Variants in ABLIM1 observed in about 807,000 individuals in gnomAD.
ABLIM1 encodes actin binding LIM protein 1.
A neutral mutation model predicts 107.0 loss-of-function variants in ABLIM1; 40 were observed. That is an observed-to-expected ratio of 0.37 (90% confidence interval 0.29 to 0.49). The LOEUF (loss-of-function observed/expected upper bound fraction) is 0.49, where lower values mean the gene tolerates loss of function less well. Ranked by LOEUF, ABLIM1 falls within the 20% of genes least tolerant of loss-of-function variation. The probability of loss-of-function intolerance (pLI) is 0.97; values close to 1 mark genes in which losing one functional copy is unlikely to be tolerated. For missense variants in ABLIM1, 857 were observed against 1,008.5 expected (o/e 0.85, Z 2.04); for synonymous variants, 357 against 357.3 (o/e 1.00, Z 0.01).
rs117448349 is a variant in ABLIM1 at position 114,542,091 on chromosome 10, A to C, written c.894+2914T>G. 9.5e-4 allele frequency among the ~76,000 whole-genome samples: 144 copies of C among 152,304 alleles called. 3 individuals are homozygous for C. In the East Asian group the frequency reaches 0.027, roughly 28 times the overall value. Reference sequence around the variant, plus strand: ...CTCTTTGTACAGCTGGACATCTGGGAAATCATTCTGATGTTCTATTGTTTC... The same window carrying C: ...CTCTTTGTACAGCTGGACATCTGGGCAATCATTCTGATGTTCTATTGTTTC... On this transcript the variant is annotated intron_variant, in intron 6 of 22. Coordinates refer to ENST00000533213, the MANE Select transcript of ABLIM1 (RefSeq NM_002313.7).
In ABLIM1 at chr10:114,619,260, G is replaced by A. The variant is rs770563472; in HGVS notation, c.245-17299C>T. Among the ~76,000 whole-genome samples the A allele has an allele frequency of 6.7e-6, 1 of 149,320 alleles. No individual in the cohort carries two copies. Among genetic ancestry groups the A allele is most frequent in the African/African-American group, 2.5e-5 (1 of 40,344 alleles). ...CACCCAGGCTGGAGCGCAGTGGCACGATCTTAGCTCACTGCAACGTCCACC... is the reference window on the plus strand; with the variant it reads ...CACCCAGGCTGGAGCGCAGTGGCACAATCTTAGCTCACTGCAACGTCCACC... On this transcript the variant is annotated intron_variant, in intron 1 of 22. Transcript: ENST00000533213. The surrounding 1 kb of genome is among the most constrained non-coding windows in gnomAD (Gnocchi z 4.1).
chr10:114,763,565 T>C (rs2082804421), intron 1 of ABLIM1, among the ~76,000 whole-genome samples: 1 of 152,042 alleles, frequency 6.6e-6, no homozygotes, highest in South Asian at 2.1e-4. Flanking sequence ...TTTTGTACTT[T>C]TTTTTTAGTA....
rs1315467335 is a variant in ABLIM1 at position 114,465,842 on chromosome 10, C to A, written c.1312-15G>T. 1 of 1,613,840 alleles carries A rather than the reference C, an allele frequency of 6.2e-7. No homozygotes were observed. Among genetic ancestry groups the A allele is most frequent in the South Asian group, 1.1e-5 (1 of 91,026 alleles). ...TCCTGGTACCCCTGGAAACAAAGTT[C>A]AACACATTCAGGCTATCACCATGCC... On this transcript the variant is annotated splice_polypyrimidine_tract_variant and intron_variant, in intron 11 of 22. Coordinates refer to ENST00000533213, the MANE Select transcript of ABLIM1 (RefSeq NM_002313.7).
chr10:114,468,791 T>C lies in ABLIM1; in HGVS notation c.1276-575A>G, dbSNP rs193136593. ...AATAGGCCGGGTGCGGTGGCTCACG[T>C]CTGTAATCCCAGCACTTTGGGAGGC... On this transcript the variant is annotated intron_variant, in intron 10 of 22. Transcript: ENST00000533213. Among the ~76,000 whole-genome samples the C allele has an allele frequency of 7.2e-3, 1,089 of 151,358 alleles. 5 individuals are homozygous for C. Among genetic ancestry groups the C allele is most frequent in the Non-Finnish European group, 0.01 (689 of 67,772 alleles).
Position 114,451,602 on chromosome 10 carries a change from C to T in ABLIM1, c.1594+22G>A, listed in dbSNP as rs186047601. On this transcript the variant is annotated intron_variant, in intron 14 of 22. Coordinates refer to ENST00000533213, the MANE Select transcript of ABLIM1 (RefSeq NM_002313.7). The stretch of plus-strand genomic sequence containing the variant: ...AGCTGACTTTGCTATTTAAAAGCTA[C>T]GCGGAGGAAAGCGGGTTTTACCATG... 1.8e-4 allele frequency: 281 copies of T among 1,604,876 alleles called. No homozygotes were observed. In the African/African-American group the frequency reaches 2.7e-3, roughly 15 times the overall value.
At chr10:114,664,897 TC>T (rs1217410510) in intron 1 of ABLIM1, among the ~76,000 whole-genome samples, 1 of 149,562 alleles carries the variant, frequency 6.7e-6, no homozygotes, top group Non-Finnish European at 1.5e-5. Context: ...GGCGGGCGGA[TC>T]ACGAGGTCAG....
intron 1 of ABLIM1, among the ~76,000 whole-genome samples, chr10:114,741,968 G>A (rs1038774748): frequency 3.3e-5 from 5 of 152,176 alleles, no homozygotes; most frequent in African/African-American, 1.2e-4. Context: ...CTAGAGACGT[G>A]GAGAGCTGTT....
At chr10:114,547,590 C>T in intron 5 of ABLIM1, 60 bp downstream of exon 5, 1 of 1,601,944 alleles carries the variant, frequency 6.2e-7, no homozygotes, top group South Asian at 1.1e-5. Context: ...CCAGGACCTG[C>T]AGAAGAACCA....
At chr10:114,611,731 C>A (rs533088105) in intron 1 of ABLIM1, among the ~76,000 whole-genome samples, 5 of 152,160 alleles carry the variant, frequency 3.3e-5, no homozygotes, top group Admixed American at 6.5e-5. Flanking sequence ...ATGTGCTGCA[C>A]CTGCCTTCTC....
chr10:114,595,141 A>G (rs1471070898), intron 2 of ABLIM1: 1 of 148,670 alleles, frequency 6.7e-6, no homozygotes, highest in African/African-American at 2.4e-5. Flanking sequence ...TTTCTGGCAA[A>G]AAAAAAAAAA....
intron 1 of ABLIM1, among the ~76,000 whole-genome samples, chr10:114,752,765 T>C (rs2082545149): frequency 1.3e-5 from 2 of 152,244 alleles, no homozygotes; most frequent in South Asian, 4.1e-4. Context: ...GAAAAGGACA[T>C]GATCTCATTC....
At chr10:114,514,949 T>G (rs1190913256) in intron 6 of ABLIM1, among the ~76,000 whole-genome samples, 1 of 152,194 alleles carries the variant, frequency 6.6e-6, no homozygotes, top group Non-Finnish European at 1.5e-5. Flanking sequence ...CACCATGAGT[T>G]TCTGCCCAAA....
intron 1 of ABLIM1, among the ~76,000 whole-genome samples, chr10:114,761,353 T>C (rs2082741884): frequency 6.6e-6 from 1 of 151,952 alleles, no homozygotes; most frequent in Admixed American, 6.6e-5. Flanking sequence ...AAGCCATGCT[T>C]AGCAGACAGC....
chr10:114,552,115 T>C (rs1000986568), intron 4 of ABLIM1, among the ~76,000 whole-genome samples: 1 of 152,146 alleles, frequency 6.6e-6, no homozygotes, highest in Non-Finnish European at 1.5e-5. Flanking sequence ...AGTATTCTGG[T>C]ATATTTCACA....
chr10:114,491,000 G>GTA (rs1402683360), intron 7 of ABLIM1, among the ~76,000 whole-genome samples: 2 of 81,918 alleles, frequency 2.4e-5, no homozygotes, highest in African/African-American at 1.5e-4. Flanking sequence ...GTGTGTGTGT[G>GTA]TGTGTGTGTG....
chr10:114,585,545 T>C (rs1217258045), intron 2 of ABLIM1, among the ~76,000 whole-genome samples: 1 of 152,188 alleles, frequency 6.6e-6, no homozygotes, highest in Non-Finnish European at 1.5e-5. Flanking sequence ...CAAATCAATA[T>C]GGTAAAGACG....
In ABLIM1 at chr10:114,575,487, G is replaced by T. The variant is rs985273; in HGVS notation, c.492C>A (p.Phe164Leu). Reference sequence around the variant, plus strand: ...GAGCAGTCACCACTTCGCCCTCCACGAACTCCCCACAGCCATGGCAGCGTG... The same window carrying T: ...GAGCAGTCACCACTTCGCCCTCCACTAACTCCCCACAGCCATGGCAGCGTG... ...YGTRCHGCGE[F>L]VEGEVVTALG... Residue 164 changes from phenylalanine (F) to leucine (L), a missense_variant, in exon 3 of 23, where the codon TTC becomes TTA. Transcript: ENST00000533213. 1 of 1,613,930 alleles carries T rather than the reference G, an allele frequency of 6.2e-7. No individual in the cohort carries two copies. Among genetic ancestry groups the T allele is most frequent in the East Asian group, 2.2e-5 (1 of 44,878 alleles).
chr10:114,487,784 G>A (rs373887603), intron 8 of ABLIM1, among the ~76,000 whole-genome samples, 174 bp downstream of exon 8: 5 of 152,158 alleles, frequency 3.3e-5, no homozygotes, highest in African/African-American at 4.8e-5. Flanking sequence ...ACCACAGTAC[G>A]TTTAAGGTAA....
At chr10:114,571,507 G>C (rs2071678381) in intron 3 of ABLIM1, 101 bp from the exon 4 acceptor site, 13 of 1,156,270 alleles carry the variant, frequency 1.1e-5, no homozygotes, top group South Asian at 2.7e-5. Context: ...TTATTTCTTG[G>C]AGAAGCAGCA....
Sources: allele counts gnomAD v4.1 joint callset (sites outside exome capture counted in the v4.1 genomes callset), GRCh38; gene constraint gnomAD v4.1.1; non-coding constraint Gnocchi (gnomAD v3.1); transcripts MANE v1.5; gene names NCBI Gene and HGNC (gene_info 2026-07-23, HGNC 2026-07-21).